NDST4: variants seen among roughly 807,000 people sequenced by gnomAD.
NDST4 encodes N-heparan sulfate sulfotransferase 4.
NDST4 carries 63 observed loss-of-function variants against 100.8 expected under a neutral mutation model. The ratio of observed to expected loss-of-function variants is 0.62; its 90% CI spans 0.51 to 0.77. NDST4 has a LOEUF of 0.77. Ranked by LOEUF, NDST4 falls within the 30% of genes least tolerant of loss-of-function variation. NDST4 has a pLI of 0.00. For missense variants in NDST4, 943 were observed against 1,018.4 expected, an observed-to-expected ratio of 0.93 and a Z score of 1.01; for synonymous variants, 377 against 361.8, an observed-to-expected ratio of 1.04 and a Z score of -0.48.
At chr4:115,031,516 G>A (rs1022145371) in intron 2 of NDST4, among the ~76,000 whole-genome samples, 1 of 152,016 alleles carries the variant, frequency 6.6e-6, no homozygotes, top group African/African-American at 2.4e-5. Context: ...TTCCAAGTAA[G>A]AGTAAGCCAC....
chr4:115,041,194 A>G (rs1239093681), intron 2 of NDST4, among the ~76,000 whole-genome samples: 2 of 152,116 alleles, frequency 1.3e-5, no homozygotes, highest in African/African-American at 2.4e-5. Flanking sequence ...ATGGAAGAAG[A>G]CAAGATAACT....
At chr4:114,876,536 G>C (rs1433925430) in intron 6 of NDST4, among the ~76,000 whole-genome samples, 1 of 152,086 alleles carries the variant, frequency 6.6e-6, no homozygotes, top group East Asian at 1.9e-4. Flanking sequence ...AACACTTCTT[G>C]ATTTAAACAC....
At chr4:115,051,491 A>G (rs1728582505) in intron 2 of NDST4, among the ~76,000 whole-genome samples, 1 of 152,084 alleles carries the variant, frequency 6.6e-6, no homozygotes, top group African/African-American at 2.4e-5. Context: ...TTAATTTGCC[A>G]CATATGAGTG....
chr4:114,834,193 G>T (rs1183256549), intron 11 of NDST4, among the ~76,000 whole-genome samples: 2 of 152,064 alleles, frequency 1.3e-5, no homozygotes, highest in Non-Finnish European at 2.9e-5. Flanking sequence ...TTGGATCACT[G>T]CCCTAGAATA....
intron 13 of NDST4, among the ~76,000 whole-genome samples, chr4:114,828,261 T>C (rs72906906): frequency 0.11 from 16,720 of 152,104 alleles, 969 homozygotes; most frequent in Middle Eastern, 0.15. Flanking sequence ...AGATAGGGAC[T>C]GCATGAGGAA....
chr4:114,963,610 G>A (rs114393982), intron 4 of NDST4, among the ~76,000 whole-genome samples: 2,276 of 152,276 alleles, frequency 0.015, 65 homozygotes, highest in African/African-American at 0.051. Flanking sequence ...CTGCTAAAAT[G>A]ATACAATGGT....
chr4:115,104,144 T>C (rs753269575), intron 1 of NDST4, among the ~76,000 whole-genome samples: 12 of 152,166 alleles, frequency 7.9e-5, no homozygotes, highest in Admixed American at 1.3e-4. Context: ...AGTGGTCTTG[T>C]TTTACATGTG....
chr4:115,029,226 T>A (rs1348622273), intron 2 of NDST4, among the ~76,000 whole-genome samples: 1 of 151,924 alleles, frequency 6.6e-6, no homozygotes, highest in Non-Finnish European at 1.5e-5. Flanking sequence ...AAAGAAGGGT[T>A]TTTAAGATGA....
Position 115,076,934 on chromosome 4 carries a change from A to T in NDST4, c.103T>A (p.Ser35Thr). 1 of 1,613,680 alleles carries T rather than the reference A, an allele frequency of 6.2e-7. No individual in the cohort carries two copies. Among genetic ancestry groups the T allele is most frequent in the Non-Finnish European group, 8.5e-7 (1 of 1,179,796 alleles). The change falls in exon 2 of 14, where the codon TCT (serine) becomes ACT (threonine). Residue 35 changes from serine (S) to threonine (T), a missense_variant. Physicochemically the swap from Ser to Thr is moderately conservative, Grantham distance 58. This residue lies in a region of NDST4 where 417 missense variants were observed against 384.2 expected (regional missense o/e 1.09). Coordinates refer to ENST00000264363, the MANE Select transcript of NDST4 (RefSeq NM_022569.3). Reference protein sequence around the residue: ...SIVISAYFLYSGYKQEMTLIE... With the variant: ...SIVISAYFLYTGYKQEMTLIE... Reference sequence around the variant, plus strand: ...AGTGTCATTTCCTGTTTGTAGCCAGAGTAGAGAAAATAGGCAGAAATGACA... The same window carrying T: ...AGTGTCATTTCCTGTTTGTAGCCAGTGTAGAGAAAATAGGCAGAAATGACA...
chr4:114,929,546 T>C (rs1227745337), intron 6 of NDST4, among the ~76,000 whole-genome samples: 6 of 152,168 alleles, frequency 3.9e-5, no homozygotes, highest in Non-Finnish European at 8.8e-5. Context: ...CAATTTACAA[T>C]GACAAAGCAA....
intron 1 of NDST4, among the ~76,000 whole-genome samples, chr4:115,112,857 C>G (rs747886845): frequency 6.6e-6 from 1 of 151,786 alleles, no homozygotes; most frequent in Non-Finnish European, 1.5e-5. Context: ...TTTTTCTTTT[C>G]TAATAGGAGG....
chr4:114,835,046 A>C (rs779151445), intron 11 of NDST4, among the ~76,000 whole-genome samples: 3 of 151,894 alleles, frequency 2.0e-5, no homozygotes, highest in Non-Finnish European at 4.4e-5. Context: ...ATATTTTCTT[A>C]ATCTTTTCAA....
chr4:114,952,554 A>G (rs1419363688), intron 4 of NDST4, among the ~76,000 whole-genome samples: 1 of 152,142 alleles, frequency 6.6e-6, no homozygotes, highest in East Asian at 1.9e-4. Context: ...TTTTCTCTAA[A>G]TCCATTGCTG....
chr4:114,827,927 C>A lies in NDST4; in HGVS notation c.2508G>T (p.Thr836=). The change falls in exon 14 of 14, where the codon ACG becomes ACT. Residue 836 remains threonine (T), a synonymous_variant. Transcript: ENST00000264363. ...GATCTCGGTAGTAATTAGAGAGGAA[C>A]GTTCTAGACTGGAAAGAAAAAAAGA... The part of the protein sequence containing the change: ...KYPPMDPESR[T]FLSNYYRDHN... The A allele has an allele frequency of 1.3e-6, 2 of 1,592,248 alleles. No homozygotes were observed. The highest frequency in any genetic ancestry group is 1.7e-6 in the Non-Finnish European group (2 of 1,173,786).
rs1454390738 is a variant in NDST4, at chr4:115,077,110, T to C, written c.-74A>G. 3 of 1,347,738 alleles carry C rather than the reference T, an allele frequency of 2.2e-6. No homozygotes were observed. The highest frequency in any genetic ancestry group is 3.0e-6 in the Non-Finnish European group (3 of 999,386). The allele number at this position is 1,347,738 out of a possible 1,614,324, so 83.5% of individuals were successfully genotyped here. A position where few individuals can be genotyped will look rare whatever the true frequency, so the allele number is the denominator to read the frequency against. On this transcript the variant is annotated 5_prime_UTR_variant, in exon 2 of 14. Transcript: ENST00000264363. ...GTGCCATAGTGAATAAAGTATGAGATGTTGCAAATATCACTTCCCCAGAGT... is the reference window on the plus strand; with the variant it reads ...GTGCCATAGTGAATAAAGTATGAGACGTTGCAAATATCACTTCCCCAGAGT...
intron 4 of NDST4, among the ~76,000 whole-genome samples, chr4:114,947,405 A>G (rs1725890423): frequency 6.6e-6 from 1 of 152,188 alleles, no homozygotes; most frequent in Non-Finnish European, 1.5e-5. Context: ...ATGTGGTAGC[A>G]TGATATCCTG....
intron 2 of NDST4, among the ~76,000 whole-genome samples, chr4:115,069,014 T>C (rs558371867): frequency 2.6e-4 from 39 of 152,176 alleles, no homozygotes; most frequent in African/African-American, 7.7e-4. Context: ...GGAGTTGACT[T>C]ATATACATAA....
chr4:114,847,987 T>C (rs978676567), intron 9 of NDST4, among the ~76,000 whole-genome samples: 1 of 152,204 alleles, frequency 6.6e-6, no homozygotes, highest in Admixed American at 6.5e-5. Flanking sequence ...CCCATAATGT[T>C]TTTTATTCAA....
chr4:114,833,601 C>T lies in NDST4; in HGVS notation c.2396+5G>A. On this transcript the variant is annotated splice_donor_5th_base_variant and intron_variant, in intron 12 of 13. Coordinates refer to ENST00000264363, the MANE Select transcript of NDST4 (RefSeq NM_022569.3). Reference sequence around the variant, plus strand: ...AAATGAAATCAAGCATGACAATAGACTCACGTTAGTGCTTCAGAGTAATTA... The same window carrying T: ...AAATGAAATCAAGCATGACAATAGATTCACGTTAGTGCTTCAGAGTAATTA... 2 of 1,567,568 alleles carry T rather than the reference C, an allele frequency of 1.3e-6. No individual in the cohort carries two copies. Among genetic ancestry groups the T allele is most frequent in the Non-Finnish European group, 8.8e-7 (1 of 1,138,522 alleles).
Sources: allele counts gnomAD v4.1 joint callset (sites outside exome capture counted in the v4.1 genomes callset), GRCh38; gene constraint gnomAD v4.1.1; regional missense constraint gnomAD v4.1.1; transcripts MANE v1.5; gene names NCBI Gene and HGNC (gene_info 2026-07-23, HGNC 2026-07-21).